Variants in MPP7 observed in about 807,000 individuals in gnomAD.
MPP7 encodes MAGUK p55 subfamily member 7.
MPP7 carries 60 observed loss-of-function variants against 76.5 expected under a neutral mutation model. The ratio of observed to expected loss-of-function variants is 0.78; its 90% CI spans 0.64 to 0.97. MPP7 has a LOEUF of 0.97. Among genes scored for constraint, MPP7 ranks in the 50% least tolerant of loss-of-function variants. The pLI is 0.00. For missense variants in MPP7, 641 were observed against 694.0 expected (o/e 0.92, Z 0.86); for synonymous variants, 237 against 244.5 (o/e 0.97, Z 0.29).
chr10:28,281,967 C>T (rs1840687338), intron 1 of MPP7: 1 of 152,098 alleles, frequency 6.6e-6, no homozygotes, highest in Non-Finnish European at 1.5e-5. Flanking sequence ...TTGCAGGACA[C>T]TGGAAGGCTA....
At chr10:28,280,502 T>C (rs1193062214) in intron 1 of MPP7, among the ~76,000 whole-genome samples, 9 of 152,064 alleles carry the variant, frequency 5.9e-5, no homozygotes, top group Non-Finnish European at 8.8e-5. Flanking sequence ...TTATCTGCAG[T>C]TGGTTGAATT....
At chr10:28,240,475 A>G (rs540958397) in intron 1 of MPP7, among the ~76,000 whole-genome samples, 1 of 152,304 alleles carries the variant, frequency 6.6e-6, no homozygotes, top group African/African-American at 2.4e-5. Context: ...TAATACCTTG[A>G]ATTTTCCTTT....
upstream of MPP7, among the ~76,000 whole-genome samples, chr10:28,304,321 A>G (rs1841231590): frequency 6.6e-6 from 1 of 152,166 alleles, no homozygotes; most frequent in Non-Finnish European, 1.5e-5. Context: ...AAGTTCTAAA[A>G]CAGGCTATTT....
chr10:28,162,445 T>C (rs1221594547), intron 3 of MPP7, among the ~76,000 whole-genome samples: 2 of 152,122 alleles, frequency 1.3e-5, no homozygotes, highest in Non-Finnish European at 2.9e-5. Flanking sequence ...AAAAATACTA[T>C]GAAAAGTCTA....
chr10:28,179,765 G>A (rs373158803), intron 3 of MPP7, among the ~76,000 whole-genome samples: 1 of 152,146 alleles, frequency 6.6e-6, no homozygotes, highest in Non-Finnish European at 1.5e-5. Flanking sequence ...CACAATAGTG[G>A]CTAGCCAAAT....
intron 6 of MPP7, among the ~76,000 whole-genome samples, chr10:28,130,907 C>G (rs1835170493): frequency 6.6e-6 from 1 of 151,896 alleles, no homozygotes; most frequent in Non-Finnish European, 1.5e-5. Flanking sequence ...ATTTCATATT[C>G]CAATATTTAA....
At chr10:28,174,698 A>G (rs2133882050) in intron 3 of MPP7, among the ~76,000 whole-genome samples, 1 of 152,326 alleles carries the variant, frequency 6.6e-6, no homozygotes, top group East Asian at 1.9e-4. Context: ...AGTTGAATGA[A>G]AATCCTATTT....
intron 1 of MPP7, among the ~76,000 whole-genome samples, chr10:28,261,558 A>G (rs975809696): frequency 1.3e-5 from 2 of 152,166 alleles, no homozygotes; most frequent in African/African-American, 4.8e-5. Context: ...ACCTCCAAAT[A>G]CATACCTAGG....
intron 1 of MPP7, among the ~76,000 whole-genome samples, chr10:28,261,612 G>A (rs773995737): frequency 3.9e-4 from 59 of 152,306 alleles, no homozygotes; most frequent in South Asian, 6.2e-4. Flanking sequence ...TACACAGAGT[G>A]TGGATATCAG....
At chr10:28,214,993 T>C (rs1016076603) in intron 2 of MPP7, among the ~76,000 whole-genome samples, 1 of 152,122 alleles carries the variant, frequency 6.6e-6, no homozygotes, top group Admixed American at 6.5e-5. Flanking sequence ...ATGGATCAGC[T>C]GACACCACCC....
intron 1 of MPP7, among the ~76,000 whole-genome samples, chr10:28,278,458 T>G (rs1840569353): frequency 6.6e-6 from 1 of 152,042 alleles, no homozygotes; most frequent in African/African-American, 2.4e-5. Flanking sequence ...TAGGAAATGT[T>G]AGAGGTACTG....
chr10:28,168,734 G>A (rs1385874550), intron 3 of MPP7, among the ~76,000 whole-genome samples: 1 of 152,088 alleles, frequency 6.6e-6, no homozygotes. Context: ...TAGCCAGAAT[G>A]GTCTCGATCT....
intron 2 of MPP7, among the ~76,000 whole-genome samples, chr10:28,324,793 C>T (rs905775149): frequency 4.6e-5 from 7 of 152,220 alleles, no homozygotes; most frequent in African/African-American, 7.2e-5. Flanking sequence ...CTGGTTTATA[C>T]ATCCCGGAGT....
chr10:28,068,087 T>C (rs964680533), intron 13 of MPP7, among the ~76,000 whole-genome samples: 2 of 152,132 alleles, frequency 1.3e-5, no homozygotes, highest in Non-Finnish European at 2.9e-5. Flanking sequence ...TGTTTTTGCA[T>C]CTTCTAGGTC....
At chr10:28,110,981 T>C (rs1043655186) in intron 11 of MPP7, among the ~76,000 whole-genome samples, 2 of 152,186 alleles carry the variant, frequency 1.3e-5, no homozygotes, top group African/African-American at 4.8e-5. Context: ...TATTGTAACG[T>C]CAAGATGGAA....
chr10:28,287,518 A>G (rs1840815949), intron 1 of MPP7, among the ~76,000 whole-genome samples: 1 of 152,136 alleles, frequency 6.6e-6, no homozygotes, highest in Non-Finnish European at 1.5e-5. Flanking sequence ...TCTTTCTTTC[A>G]TTTTGGATCT....
chr10:28,282,629 A>G (rs1288757470), intron 1 of MPP7, among the ~76,000 whole-genome samples: 1 of 151,812 alleles, frequency 6.6e-6, no homozygotes, highest in South Asian at 2.1e-4. Context: ...GACTGAAGAC[A>G]CTCCCACAAT....
At chr10:28,146,246 G>C (rs555212987) in intron 5 of MPP7, among the ~76,000 whole-genome samples, 62 of 152,058 alleles carry the variant, frequency 4.1e-4, no homozygotes, top group Non-Finnish European at 7.6e-4. Flanking sequence ...TGTTCTTTCA[G>C]AACAAAAATT....
At chr10:28,310,021 A>T (rs866465165) in intron 2 of MPP7, among the ~76,000 whole-genome samples, 6 of 43,304 alleles carry the variant, frequency 1.4e-4, no homozygotes, top group South Asian at 1.2e-3. Flanking sequence ...TTTTTTTTTT[A>T]AACGGAGTCT....
Sources: gnomAD v4.1 joint callset for allele counts (sites outside exome capture counted in the v4.1 genomes callset) on GRCh38, gnomAD v4.1.1 for gene constraint, MANE v1.5 for transcripts, NCBI Gene and HGNC (gene_info 2026-07-23, HGNC 2026-07-21) for gene names.